Variants in ARID4A observed in about 807,000 individuals in gnomAD.
ARID4A encodes AT-rich interaction domain 4A, also known as AT-rich interactive domain-containing protein 4A.
In ARID4A, 39 loss-of-function variants were observed where a neutral mutation model predicts 148.6. That is an observed-to-expected ratio of 0.26 (90% CI 0.20 to 0.34). The LOEUF (loss-of-function observed/expected upper bound fraction) is 0.34. Among genes scored for constraint, ARID4A ranks in the 10% least tolerant of loss-of-function variants. The probability of loss-of-function intolerance (pLI) is 1.00; values close to 1 mark genes in which losing one functional copy is unlikely to be tolerated. For synonymous variants in ARID4A, 475 were observed against 481.2 expected (o/e 0.99, Z 0.17); for missense variants, 1,265 against 1,449.1 (o/e 0.87, Z 2.06).
Position 58,364,436 on chromosome 14 carries a change from A to G in ARID4A, c.2347A>G (p.Lys783Glu). 6.2e-7 allele frequency: 1 copy of G among 1,613,288 alleles called. No individual in the cohort carries two copies. Among genetic ancestry groups the G allele is most frequent in the Non-Finnish European group, 8.5e-7 (1 of 1,179,848 alleles). The change falls in exon 20 of 24, where the codon AAG (lysine) becomes GAG (glutamate). Residue 783 changes from lysine (K) to glutamate (E), a missense_variant. Physicochemically the swap from Lys to Glu is moderately conservative, Grantham distance 56 (BLOSUM62 1). This residue lies in a region of ARID4A where 666 missense variants were observed against 730.9 expected (regional missense o/e 0.91). Transcript: ENST00000355431. The stretch of plus-strand genomic sequence containing the variant: ...CAAAATGGAAAAAACAGAAGAAGTT[A>G]AGAAAGAAGCCGAAAAATCTCCAAA... ...GNKMEKTEEVKKEAEKSPKGK... is the reference protein window; with the variant it reads ...GNKMEKTEEVEKEAEKSPKGK...
intron 5 of ARID4A, among the ~76,000 whole-genome samples, chr14:58,308,867 T>C (rs1375829034): frequency 6.6e-6 from 1 of 152,154 alleles, no homozygotes; most frequent in Non-Finnish European, 1.5e-5. Context: ...ATACCAGAAA[T>C]TATGTCAGAT....
chr14:58,337,471 G>C (rs2033891499), intron 11 of ARID4A, among the ~76,000 whole-genome samples: 1 of 151,764 alleles, frequency 6.6e-6, no homozygotes, highest in Admixed American at 6.6e-5. Flanking sequence ...ATGAATGAAT[G>C]TGGATTATGC....
chr14:58,312,047 T>C (rs1027124372), intron 5 of ARID4A, among the ~76,000 whole-genome samples: 3 of 152,126 alleles, frequency 2.0e-5, no homozygotes, highest in Non-Finnish European at 2.9e-5. Context: ...AATAACAATG[T>C]ATTGCATACT....
chr14:58,298,988 G>T (rs1431053143), intron 1 of ARID4A, among the ~76,000 whole-genome samples: 1 of 152,204 alleles, frequency 6.6e-6, no homozygotes, highest in African/African-American at 2.4e-5. Context: ...GCGGTGAAGA[G>T]CGGGCTGCTT....
chr14:58,347,918 T>C (rs779857456), intron 15 of ARID4A, 40 bp downstream of exon 15: 149 of 1,377,212 alleles, frequency 1.1e-4, no homozygotes, highest in Admixed American at 3.8e-4. Context: ...TTAAGTATTA[T>C]TTAAAATTTT....
chr14:58,356,214 C>T lies in ARID4A; in HGVS notation c.1853+2359C>T, dbSNP rs2348073. The stretch of plus-strand genomic sequence containing the variant: ...CATGATATATTGCTTTGTCCAGTGT[C>T]GCCAGGACCAAGTACACTAAAAATC... On this transcript the variant is annotated intron_variant, in intron 17 of 23. Transcript: ENST00000355431. Among the ~76,000 whole-genome samples the T allele has an allele frequency of 0.011, 1,705 of 152,260 alleles. 183 individuals carry two copies. The East Asian group carries it at 0.27, about 24-fold the overall frequency.
chr14:58,354,842 C>T lies in ARID4A; in HGVS notation c.1853+987C>T, dbSNP rs551747381. ...ATAATTGGTAGAGAAACAGCAATCA[C>T]CCACATTAGTCAAGAAAAAGAAGAT... On this transcript the variant is annotated intron_variant, in intron 17 of 23. Coordinates refer to ENST00000355431, the MANE Select transcript of ARID4A (RefSeq NM_002892.4). Among the ~76,000 whole-genome samples the T allele has an allele frequency of 2.0e-4, 31 of 152,204 alleles. 2 individuals carry two copies. In the South Asian group the frequency reaches 6.2e-3, roughly 31 times the overall value.
chr14:58,299,546 C>T (rs377732654), intron 1 of ARID4A: 2 of 504,120 alleles, frequency 4.0e-6, no homozygotes, highest in Admixed American at 6.5e-5. Flanking sequence ...CATTCCGGGT[C>T]AAAGTGGCCA....
At chr14:58,365,489 T>TTTAAAAAAA in intron 20 of ARID4A, 29 bp from the exon 21 acceptor site, 1 of 985,682 alleles carries the variant, frequency 1.0e-6, no homozygotes, top group Non-Finnish European at 1.4e-6. Flanking sequence ...TTTTTTTTTT[T>TTTAAAAAAA]CAACATTCTC....
chr14:58,305,919 A>G (rs571883295), intron 4 of ARID4A, 103 bp from the exon 5 acceptor site: 17 of 780,176 alleles, frequency 2.2e-5, no homozygotes, highest in African/African-American at 3.4e-5. Context: ...TAGAATTATC[A>G]TAAGTATGGT....
At chr14:58,359,336 T>TATGAGAGCA in intron 18 of ARID4A, 120 bp downstream of exon 18, 1 of 892,270 alleles carries the variant, frequency 1.1e-6, no homozygotes, top group Non-Finnish European at 1.7e-6. Flanking sequence ...GCAAGGTATA[T>TATGAGAGCA]AGACCTCCCA....
intron 15 of ARID4A, 131 bp from the exon 16 acceptor site, chr14:58,350,942 T>C: frequency 1.3e-6 from 1 of 763,730 alleles, no homozygotes; most frequent in Non-Finnish European, 2.0e-6. Flanking sequence ...GAAAGGTACC[T>C]TTGAGTTGGT....
In ARID4A at chr14:58,302,484, A is replaced by G. The variant is rs1382025126; in HGVS notation, c.117+794A>G. Reference sequence around the variant, plus strand: ...ACTCCAGCCTGGGTAACAGAGCTAGACTCCATCTCCAAAAAATAAAAAAAT... The same window carrying G: ...ACTCCAGCCTGGGTAACAGAGCTAGGCTCCATCTCCAAAAAATAAAAAAAT... On this transcript the variant is annotated intron_variant, in intron 3 of 23. Transcript: ENST00000355431. Among the ~76,000 whole-genome samples, 3 of 151,100 alleles carry G rather than the reference A, an allele frequency of 2.0e-5. 1 individual carries two copies. In the South Asian group the frequency reaches 6.3e-4, roughly 32 times the overall value.
intron 11 of ARID4A, among the ~76,000 whole-genome samples, chr14:58,340,715 C>T (rs928975322): frequency 4.6e-5 from 7 of 151,070 alleles, no homozygotes; most frequent in Non-Finnish European, 1.0e-4. Context: ...GAACTCCTGA[C>T]CTCAGGTAAT....
intron 1 of ARID4A, chr14:58,299,188 T>G (rs1358380318): frequency 1.4e-5 from 2 of 148,132 alleles, no homozygotes; most frequent in African/African-American, 2.5e-5. Flanking sequence ...CCCCTCCTCC[T>G]CCCCTCCGCC....
In ARID4A at chr14:58,353,709, C is replaced by T. The variant is rs1373687730; in HGVS notation, c.1707C>T (p.Asp569=). Residue 569 remains aspartate, a synonymous_variant, in exon 17 of 24, where the codon GAC becomes GAT. Coordinates refer to ENST00000355431, the MANE Select transcript of ARID4A (RefSeq NM_002892.4). ...CDSEGEEDEE[D]MEPCLTGTKV... ...CTGAAGGAGAGGAAGATGAGGAAGA[C>T]ATGGAACCCTGCCTAACAGGAACCA... 1 of 1,613,992 alleles carries T rather than the reference C, an allele frequency of 6.2e-7. No individual in the cohort carries two copies. The highest frequency in any genetic ancestry group is 1.3e-5 in the African/African-American group (1 of 75,026).
chr14:58,366,598 A>G (rs1179848773), intron 22 of ARID4A, among the ~76,000 whole-genome samples: 2 of 152,184 alleles, frequency 1.3e-5, no homozygotes, highest in Non-Finnish European at 2.9e-5. Context: ...TCTGATAACT[A>G]TAATTATAGA....
At chr14:58,345,689 T>C (rs775399305) in intron 12 of ARID4A, among the ~76,000 whole-genome samples, 4 of 150,522 alleles carry the variant, frequency 2.7e-5, no homozygotes, top group African/African-American at 9.7e-5. Context: ...ATAAATCTTA[T>C]CTTTTCTGTT....
Position 58,299,757 on chromosome 14 carries a change from T to C in ARID4A, c.-57-41T>C, listed in dbSNP as rs1476292186. On this transcript the variant is annotated intron_variant, in intron 1 of 23. Transcript: ENST00000355431. Reference sequence around the variant, plus strand: ...CTTTCCCTTGGTCGCTCCCCGCAGTTGACTGATTATGTCTGTGCCTGTCTT... The same window carrying C: ...CTTTCCCTTGGTCGCTCCCCGCAGTCGACTGATTATGTCTGTGCCTGTCTT... 7 of 1,561,000 alleles carry C rather than the reference T, an allele frequency of 4.5e-6. No homozygotes were observed. The African/African-American group carries it at 5.4e-5, about 12-fold the overall frequency.
Sources: gnomAD v4.1 joint callset for allele counts (sites outside exome capture counted in the v4.1 genomes callset) on GRCh38, gnomAD v4.1.1 for gene constraint, gnomAD v4.1.1 regional missense constraint, MANE v1.5 for transcripts, NCBI Gene and HGNC (gene_info 2026-07-23, HGNC 2026-07-21) for gene names.